The following EYS variants were observed in gnomAD, a reference collection of about 807,000 sequenced individuals.
EYS encodes protein eyes shut homolog.
Under a neutral mutation model 282.1 loss-of-function variants are expected in EYS, and 250 were observed. The ratio of observed to expected loss-of-function variants is 0.89; its 90% CI spans 0.80 to 0.98. EYS has a LOEUF of 0.98. Ranked by LOEUF, EYS falls within the 50% of genes least tolerant of loss-of-function variation. EYS has a pLI of 0.00. For missense variants in EYS, 4,016 were observed against 3,709.0 expected (o/e 1.08, Z -2.15); for synonymous variants, 1,355 against 1,282.9 (o/e 1.06, Z -1.20).
At chr6:65,250,969 G>A (rs1158734297) in intron 12 of EYS, among the ~76,000 whole-genome samples, 1 of 149,582 alleles carries the variant, frequency 6.7e-6, no homozygotes, top group Admixed American at 6.7e-5. Context: ...AAAGGAGATT[G>A]GCTAATATGA....
At chr6:65,080,301 TAAAGAG>T (rs1305613119) in intron 12 of EYS, among the ~76,000 whole-genome samples, 3 of 152,110 alleles carry the variant, frequency 2.0e-5, no homozygotes, top group African/African-American at 4.8e-5. Flanking sequence ...TCTGGAAAGA[TAAAGAG>T]AAAGGTAGTA....
chr6:64,454,582 T>G (rs1445620859), intron 26 of EYS, among the ~76,000 whole-genome samples: 1 of 152,166 alleles, frequency 6.6e-6, no homozygotes, highest in Non-Finnish European at 1.5e-5. Context: ...ATTGGTGGGT[T>G]CTGTATCTCC....
intron 22 of EYS, among the ~76,000 whole-genome samples, chr6:64,649,677 T>G (rs1326785033): frequency 1.3e-5 from 2 of 152,192 alleles, no homozygotes; most frequent in Non-Finnish European, 2.9e-5. Context: ...TGCTTCTCAT[T>G]TTTGTTTGCT....
intron 22 of EYS, among the ~76,000 whole-genome samples, chr6:64,714,821 C>T (rs978418217): frequency 2.0e-5 from 3 of 152,006 alleles, no homozygotes; most frequent in Non-Finnish European, 2.9e-5. Flanking sequence ...CCACCATGCC[C>T]GGCCTAAAAC....
chr6:64,391,097 C>A (rs891628708), intron 28 of EYS, among the ~76,000 whole-genome samples: 1 of 152,246 alleles, frequency 6.6e-6, no homozygotes, highest in African/African-American at 2.4e-5. Context: ...AAGAAAGGAG[C>A]AAAGCCTCCA....
At chr6:64,481,176 T>C (rs1005495908) in intron 26 of EYS, among the ~76,000 whole-genome samples, 1 of 150,324 alleles carries the variant, frequency 6.7e-6, no homozygotes, top group Non-Finnish European at 1.5e-5. Flanking sequence ...TTATTCAGAA[T>C]GCAAACAGCC....
At chr6:65,005,383 C>T (rs751183740) in intron 13 of EYS, among the ~76,000 whole-genome samples, 22 of 147,584 alleles carry the variant, frequency 1.5e-4, no homozygotes, top group Admixed American at 4.0e-4. Flanking sequence ...TTCCATTCCT[C>T]GGAATCCGTG....
chr6:64,470,369 A>T (rs1176057436), intron 26 of EYS, among the ~76,000 whole-genome samples: 1 of 152,232 alleles, frequency 6.6e-6, no homozygotes, highest in Non-Finnish European at 1.5e-5. Flanking sequence ...CAATCAGGGA[A>T]ACAGTTGATA....
chr6:63,819,980 T>G (rs1186946361), intron 36 of EYS, among the ~76,000 whole-genome samples: 2 of 152,208 alleles, frequency 1.3e-5, no homozygotes, highest in African/African-American at 4.8e-5. Context: ...CAGTGACACT[T>G]CTGAAGTACT....
chr6:65,330,342 A>T (rs1039763178), intron 11 of EYS: 16 of 983,234 alleles, frequency 1.6e-5, no homozygotes, highest in Non-Finnish European at 1.8e-5. Flanking sequence ...GGTGACTTAG[A>T]CATAAATTTG....
At chr6:65,169,248 G>A (rs1765047357) in intron 12 of EYS, among the ~76,000 whole-genome samples, 1 of 151,262 alleles carries the variant, frequency 6.6e-6, no homozygotes, top group African/African-American at 2.4e-5. Context: ...ATTGGAAAAG[G>A]CCAAGAGCTG....
chr6:64,809,832 G>A (rs1449766287), intron 22 of EYS, among the ~76,000 whole-genome samples: 1 of 152,036 alleles, frequency 6.6e-6, no homozygotes, highest in Non-Finnish European at 1.5e-5. Flanking sequence ...ATGCAGAATG[G>A]AGAAAAGGAG....
At chr6:65,426,000 G>A (rs1304823735) in intron 5 of EYS, among the ~76,000 whole-genome samples, 1 of 152,050 alleles carries the variant, frequency 6.6e-6, no homozygotes, top group African/African-American at 2.4e-5. Context: ...TTTAGAAAGA[G>A]GGTCTCACTC....
At chr6:64,299,401 A>C (rs1034404689) in intron 30 of EYS, among the ~76,000 whole-genome samples, 7 of 152,242 alleles carry the variant, frequency 4.6e-5, no homozygotes, top group African/African-American at 1.7e-4. Flanking sequence ...TCTTTCACTG[A>C]ATATCAGTGT....
intron 1 of EYS, among the ~76,000 whole-genome samples, chr6:65,650,781 A>C (rs959605861): frequency 1.3e-5 from 2 of 152,030 alleles, no homozygotes; most frequent in African/African-American, 4.8e-5. Context: ...TCCTGCTTAT[A>C]CTCTCACATT....
chr6:63,937,395 T>TTTTTTG (rs1562104508), intron 35 of EYS, among the ~76,000 whole-genome samples: 2 of 109,612 alleles, frequency 1.8e-5, no homozygotes, highest in African/African-American at 7.6e-5. Flanking sequence ...TTTTTTTTTT[T>TTTTTTG]TTTGAGACGG....
chr6:64,701,592 C>G (rs1290259985), intron 22 of EYS, among the ~76,000 whole-genome samples: 3 of 151,988 alleles, frequency 2.0e-5, no homozygotes, highest in Non-Finnish European at 4.4e-5. Context: ...TTAAGCAGAA[C>G]AACTTAGAAA....
intron 2 of EYS, among the ~76,000 whole-genome samples, chr6:65,570,237 T>G (rs957373619): frequency 1.3e-5 from 2 of 152,156 alleles, no homozygotes; most frequent in African/African-American, 4.8e-5. Context: ...ACAATTTCCC[T>G]ACCAACTAAA....
chr6:64,422,330 T>C (rs984348950), intron 28 of EYS, among the ~76,000 whole-genome samples: 35 of 152,156 alleles, frequency 2.3e-4, no homozygotes, highest in Non-Finnish European at 7.4e-5. Context: ...ATCTGTGCAG[T>C]GCTGAAAGGG....
Sources: allele counts gnomAD v4.1 joint callset (sites outside exome capture counted in the v4.1 genomes callset), GRCh38; gene constraint gnomAD v4.1.1; transcripts MANE v1.5; gene names NCBI Gene and HGNC (gene_info 2026-07-23, HGNC 2026-07-21).